Variants in ROBO2 observed in about 807,000 individuals in gnomAD.
The protein encoded by ROBO2 is roundabout guidance receptor 2.
Under a neutral mutation model 160.8 loss-of-function variants are expected in ROBO2, and 53 were observed. The observed-to-expected ratio is 0.33, with a 90% CI of 0.26 to 0.41. ROBO2 has a LOEUF of 0.41. ROBO2 is among the 10% of genes least tolerant of loss of function. ROBO2 has a pLI of 1.00. For missense variants in ROBO2, 1,577 were observed against 1,722.4 expected, an observed-to-expected ratio of 0.92 and a Z score of 1.49; for synonymous variants, 664 against 611.7, an observed-to-expected ratio of 1.09 and a Z score of -1.26.
At chr3:76,813,859 C>T (rs372456021) in intron 2 of ROBO2, among the ~76,000 whole-genome samples, 7 of 151,914 alleles carry the variant, frequency 4.6e-5, no homozygotes, top group East Asian at 1.9e-4. Flanking sequence ...CAGTGAAATG[C>T]GATGTAAACA....
At chr3:77,042,720 C>T (rs2064222184) in intron 1 of ROBO2, among the ~76,000 whole-genome samples, 1 of 152,014 alleles carries the variant, frequency 6.6e-6, no homozygotes, top group Admixed American at 6.6e-5. Flanking sequence ...CCTTCTTTCT[C>T]TCCGTTTTAT....
chr3:76,873,576 C>A lies in ROBO2; in HGVS notation c.110-224438C>A, dbSNP rs75342925. 8.5e-3 allele frequency among the ~76,000 whole-genome samples: 1,295 copies of A among 151,720 alleles called. 8 individuals are homozygous for A. Among genetic ancestry groups the A allele is most frequent in the Non-Finnish European group, 9.9e-3 (669 of 67,892 alleles). ...AGTAGTTAGTAGTAGTAGTAGTAGT[C>A]GTCGTCGTCGTCGTTGTCGTCGTCG... On this transcript the variant is annotated intron_variant, in intron 2 of 26. Coordinates refer to the ROBO2 transcript ENST00000487694.
At chr3:76,137,338 G>T (rs1290198168) in intron 2 of ROBO2, among the ~76,000 whole-genome samples, 1 of 151,828 alleles carries the variant, frequency 6.6e-6, no homozygotes, top group Non-Finnish European at 1.5e-5. Context: ...GTAATTCTTG[G>T]TTGCCGAAAA....
At chr3:77,087,646 A>T (rs879300630) in intron 1 of ROBO2, among the ~76,000 whole-genome samples, 1 of 152,100 alleles carries the variant, frequency 6.6e-6, no homozygotes, top group Non-Finnish European at 1.5e-5. Context: ...CCTTCAGATT[A>T]GGAGTTTCAA....
intron 2 of ROBO2, among the ~76,000 whole-genome samples, chr3:77,440,664 T>G (rs2079821888): frequency 1.3e-5 from 2 of 152,224 alleles, no homozygotes; most frequent in Non-Finnish European, 2.9e-5. Flanking sequence ...AACAAAATGT[T>G]TTGAAATTAT....
intron 2 of ROBO2, among the ~76,000 whole-genome samples, chr3:77,251,566 C>T (rs115332338): frequency 0.021 from 3,225 of 152,182 alleles, 51 homozygotes; most frequent in Middle Eastern, 0.041. Context: ...ATGTTAATTA[C>T]TTTAGGAAAG....
intron 2 of ROBO2, among the ~76,000 whole-genome samples, chr3:76,744,310 C>T (rs539420304): frequency 8.4e-4 from 128 of 151,956 alleles, no homozygotes; most frequent in African/African-American, 9.9e-4. Flanking sequence ...CTTCCTCTTC[C>T]GTCTTTTTCT....
chr3:76,717,041 G>A (rs149075904), intron 2 of ROBO2, among the ~76,000 whole-genome samples: 9 of 152,252 alleles, frequency 5.9e-5, no homozygotes, highest in Non-Finnish European at 7.4e-5. Context: ...GCCACCAACC[G>A]TGTTGATGTG....
At chr3:76,645,093 G>A (rs1253518124) in intron 2 of ROBO2, among the ~76,000 whole-genome samples, 1 of 152,132 alleles carries the variant, frequency 6.6e-6, no homozygotes, top group Non-Finnish European at 1.5e-5. Flanking sequence ...CCATGAATAG[G>A]TGAAAAGAAA....
chr3:76,644,869 G>A (rs1304716688), intron 2 of ROBO2, among the ~76,000 whole-genome samples: 1 of 152,134 alleles, frequency 6.6e-6, no homozygotes, highest in African/African-American at 2.4e-5. Context: ...CAGGCATTAC[G>A]CTAAACTTTT....
At chr3:76,682,559 C>A (rs529952044) in intron 2 of ROBO2, among the ~76,000 whole-genome samples, 1 of 152,030 alleles carries the variant, frequency 6.6e-6, no homozygotes, top group Non-Finnish European at 1.5e-5. Context: ...AGGCGCCCAC[C>A]ACCATGCCCA....
chr3:76,949,631 C>T (rs1049661265), intron 2 of ROBO2, among the ~76,000 whole-genome samples: 1 of 152,102 alleles, frequency 6.6e-6, no homozygotes, highest in Non-Finnish European at 1.5e-5. Context: ...CTGCTTCTAT[C>T]GTACTTGTTT....
intron 2 of ROBO2, among the ~76,000 whole-genome samples, chr3:76,676,935 C>A (rs1311912592): frequency 6.6e-6 from 1 of 152,042 alleles, no homozygotes; most frequent in Admixed American, 6.6e-5. Context: ...CTACATAGAA[C>A]CCCCTCCAGG....
At chr3:75,918,561 T>C (rs981207873) in intron 1 of ROBO2, among the ~76,000 whole-genome samples, 2 of 152,182 alleles carry the variant, frequency 1.3e-5, no homozygotes, top group African/African-American at 4.8e-5. Context: ...TTTTTTCTAG[T>C]TCTGTGAAGA....
chr3:75,935,728 C>G, intron 1 of ROBO2, among the ~76,000 whole-genome samples: 1 of 152,164 alleles, frequency 6.6e-6, no homozygotes, highest in Non-Finnish European at 1.5e-5. Flanking sequence ...CCTCCATACA[C>G]AAGACATCTT....
intron 1 of ROBO2, among the ~76,000 whole-genome samples, chr3:75,915,243 G>C (rs1046967124): frequency 3.3e-5 from 5 of 152,142 alleles, no homozygotes; most frequent in African/African-American, 1.2e-4. Flanking sequence ...AGAAATGATG[G>C]CTTTTCTAAG....
At chr3:76,235,960 A>G (rs1704919145) in intron 2 of ROBO2, among the ~76,000 whole-genome samples, 3 of 152,256 alleles carry the variant, frequency 2.0e-5, no homozygotes, top group Middle Eastern at 3.4e-3. Context: ...TATCAAAAAT[A>G]ATAGAAATAA....
intron 2 of ROBO2, among the ~76,000 whole-genome samples, chr3:76,820,115 T>A (rs553279414): frequency 5.9e-5 from 9 of 152,210 alleles, no homozygotes; most frequent in Non-Finnish European, 1.3e-4. Context: ...AAAAGGCCTG[T>A]TAATCGATTT....
intron 2 of ROBO2, among the ~76,000 whole-genome samples, chr3:76,061,251 G>A (rs1336923660): frequency 1.3e-5 from 2 of 152,192 alleles, no homozygotes; most frequent in East Asian, 3.9e-4. Context: ...TTCGGGTAAA[G>A]TGCATGCTTC....
Sources: gnomAD v4.1 joint callset for allele counts (sites outside exome capture counted in the v4.1 genomes callset) on GRCh38, gnomAD v4.1.1 for gene constraint, MANE v1.5 for transcripts, NCBI Gene and HGNC (gene_info 2026-07-23, HGNC 2026-07-21) for gene names.